The following LRRTM4 variants were observed in gnomAD, a reference collection of about 807,000 sequenced individuals.
The protein encoded by LRRTM4 is leucine-rich repeat transmembrane neuronal protein 4.
A neutral mutation model predicts 47.6 loss-of-function variants in LRRTM4; 25 were observed. The observed-to-expected ratio is 0.53, with a 90% CI of 0.38 to 0.73. LRRTM4 has a LOEUF of 0.73. LRRTM4 is among the 30% of genes least tolerant of loss of function. LRRTM4 has a pLI of 0.00. For synonymous variants in LRRTM4, 311 were observed against 269.5 expected (o/e 1.15, Z -1.51); for missense variants, 638 against 713.4 (o/e 0.89, Z 1.20).
chr2:77,446,416 C>G (rs1020946737), intron 3 of LRRTM4, among the ~76,000 whole-genome samples: 1 of 151,982 alleles, frequency 6.6e-6, no homozygotes, highest in East Asian at 1.9e-4. Flanking sequence ...TTGAGAACAA[C>G]TGATTTACAT....
intron 3 of LRRTM4, among the ~76,000 whole-genome samples, chr2:77,206,367 C>A (rs906106668): frequency 6.6e-6 from 1 of 151,688 alleles, no homozygotes; most frequent in Non-Finnish European, 1.5e-5. Flanking sequence ...TTAGTGGTAA[C>A]ATGGTTTCAC....
intron 3 of LRRTM4, among the ~76,000 whole-genome samples, chr2:76,826,277 A>T (rs1671188112): frequency 6.6e-6 from 1 of 151,726 alleles, no homozygotes; most frequent in Admixed American, 6.6e-5. Flanking sequence ...GAAAGCCAAG[A>T]AGTAGCTTAA....
At chr2:77,109,997 A>G (rs1671206302) in intron 3 of LRRTM4, among the ~76,000 whole-genome samples, 1 of 152,138 alleles carries the variant, frequency 6.6e-6, no homozygotes, top group African/African-American at 2.4e-5. Flanking sequence ...AAGAAAATAC[A>G]AATCTTATTA....
rs544362809 is a variant in LRRTM4 at position 77,341,356 on chromosome 2, G to A, written c.1551+176962C>T. On this transcript the variant is annotated intron_variant, in intron 3 of 3. Transcript: ENST00000409884. Reference sequence around the variant, plus strand: ...TTTGTTTATGTTTTGGCTTTGTCTGGTATATACCCCCTCCATCATCACTGT... The same window carrying A: ...TTTGTTTATGTTTTGGCTTTGTCTGATATATACCCCCTCCATCATCACTGT... Among the ~76,000 whole-genome samples, 21 of 151,882 alleles carry A rather than the reference G, an allele frequency of 1.4e-4. 1 individual carries two copies. The South Asian group carries it at 2.9e-3, about 21-fold the overall frequency.
In LRRTM4 at chr2:77,422,861, A is replaced by G. The variant is rs559871487; in HGVS notation, c.1551+95457T>C. ...GAATTTATCATACAGCATTCTCTTT[A>G]TTGTATGTTTTCAAAATTTGGCATA... On this transcript the variant is annotated intron_variant, in intron 3 of 3. Transcript: ENST00000409884. Among the ~76,000 whole-genome samples, 165 of 152,182 alleles carry G rather than the reference A, an allele frequency of 1.1e-3. 2 individuals carry two copies. The South Asian group carries it at 0.033, about 30-fold the overall frequency.
At chr2:77,059,163 A>C (rs1679703999) in intron 3 of LRRTM4, among the ~76,000 whole-genome samples, 1 of 152,162 alleles carries the variant, frequency 6.6e-6, no homozygotes, top group African/African-American at 2.4e-5. Flanking sequence ...ATGGTTATTT[A>C]GCATACTTGA....
At chr2:77,127,944 ACC>A (rs1226538201) in intron 3 of LRRTM4, among the ~76,000 whole-genome samples, 2 of 152,178 alleles carry the variant, frequency 1.3e-5, no homozygotes, top group Non-Finnish European at 2.9e-5. Context: ...GGAGTTCGAG[ACC>A]TGCCTGAGCA....
rs1025813673 is a variant in LRRTM4, at chr2:77,019,147, TAG to T, written c.1552-270233_1552-270232del. Among the ~76,000 whole-genome samples the T allele has an allele frequency of 8.2e-5, 12 of 146,968 alleles. 1 individual carries two copies. Among genetic ancestry groups the T allele is most frequent in the Admixed American group, 2.8e-4 (4 of 14,166 alleles). ...GGAAACTCAATTTTTAGACTTGTTA[TAG>T]AGAGTCAGAATATAGCTACACTAAC... On this transcript the variant is annotated intron_variant, in intron 3 of 3. Transcript: ENST00000409884.
chr2:76,884,233 A>C (rs1673008965), intron 3 of LRRTM4, among the ~76,000 whole-genome samples: 1 of 152,240 alleles, frequency 6.6e-6, no homozygotes, highest in Non-Finnish European at 1.5e-5. Context: ...AGATATTTCC[A>C]AAACTATAAC....
chr2:76,912,030 GC>G (rs1278678982), intron 3 of LRRTM4, among the ~76,000 whole-genome samples: 1 of 149,062 alleles, frequency 6.7e-6, no homozygotes, highest in East Asian at 2.0e-4. Flanking sequence ...CTGGGTTCAC[GC>G]CATTCTCCTG....
At chr2:77,347,257 C>A (rs115214389) in intron 3 of LRRTM4, among the ~76,000 whole-genome samples, 85 of 152,274 alleles carry the variant, frequency 5.6e-4, no homozygotes, top group Non-Finnish European at 1.1e-3. Flanking sequence ...CTGGTTCAAT[C>A]CTAGGGGTTT....
intron 3 of LRRTM4, among the ~76,000 whole-genome samples, chr2:77,294,427 T>C (rs1285509405): frequency 6.6e-6 from 1 of 152,150 alleles, no homozygotes. Flanking sequence ...AATGTATTCA[T>C]ATAGGTTAAA....
At chr2:77,485,952 G>A (rs62162645) in intron 3 of LRRTM4, among the ~76,000 whole-genome samples, 7,932 of 151,530 alleles carry the variant, frequency 0.052, 262 homozygotes, top group Middle Eastern at 0.1. Context: ...TTGCCCAGGC[G>A]GGTCTCCAAC....
At chr2:76,931,119 G>A (rs1365833976) in intron 3 of LRRTM4, among the ~76,000 whole-genome samples, 1 of 150,266 alleles carries the variant, frequency 6.7e-6, no homozygotes, top group Non-Finnish European at 1.5e-5. Flanking sequence ...AAAGCAATGA[G>A]AAAGAAAGAA....
intron 3 of LRRTM4, among the ~76,000 whole-genome samples, chr2:76,750,578 G>A (rs1434714190): frequency 6.6e-6 from 1 of 152,152 alleles, no homozygotes; most frequent in East Asian, 1.9e-4. Flanking sequence ...CAGAAATTAA[G>A]TTGTTTTGAT....
chr2:76,948,960 T>C (rs1675412044), intron 3 of LRRTM4, among the ~76,000 whole-genome samples: 1 of 151,908 alleles, frequency 6.6e-6, no homozygotes, highest in Non-Finnish European at 1.5e-5. Flanking sequence ...ATTTGGATCC[T>C]ATAGTGAGTA....
At chr2:77,121,593 CA>C (rs889942611) in intron 3 of LRRTM4, among the ~76,000 whole-genome samples, 3 of 151,674 alleles carry the variant, frequency 2.0e-5, no homozygotes, top group African/African-American at 7.3e-5. Flanking sequence ...TGAAATAGTT[CA>C]GAAAATAAGA....
intron 3 of LRRTM4, among the ~76,000 whole-genome samples, chr2:77,093,421 A>T (rs1288633804): frequency 1.3e-5 from 2 of 151,252 alleles, no homozygotes; most frequent in African/African-American, 4.9e-5. Flanking sequence ...TATCCAGGCC[A>T]TGACCAATCA....
At chr2:77,024,604 G>A (rs1443412554) in intron 3 of LRRTM4, among the ~76,000 whole-genome samples, 1 of 151,532 alleles carries the variant, frequency 6.6e-6, no homozygotes, top group Admixed American at 6.6e-5. Context: ...CCACAAGTAA[G>A]CCTTATAATC....
Sources: gnomAD v4.1 joint callset for allele counts (sites outside exome capture counted in the v4.1 genomes callset) on GRCh38, gnomAD v4.1.1 for gene constraint, MANE v1.5 for transcripts, NCBI Gene and HGNC (gene_info 2026-07-23, HGNC 2026-07-21) for gene names.